Variants in COL22A1 observed in about 807,000 individuals in gnomAD.
COL22A1 encodes collagen type XXII alpha 1 chain, also known as collagen alpha-1(XXII) chain.
A neutral mutation model predicts 248.9 loss-of-function variants in COL22A1; 221 were observed. The observed-to-expected ratio is 0.89, with a 90% confidence interval of 0.80 to 0.99. The LOEUF (loss-of-function observed/expected upper bound fraction) is 0.99. COL22A1 is among the 50% of genes least tolerant of loss of function. The pLI, the probability that COL22A1 is intolerant of heterozygous loss-of-function variation, is 0.00. For synonymous variants in COL22A1, 891 were observed against 793.4 expected (o/e 1.12, Z -2.07); for missense variants, 2,240 against 2,179.0 (o/e 1.03, Z -0.56).
At chr8:138,661,017 CGCACAT>C (rs1823890024) in intron 43 of COL22A1, among the ~76,000 whole-genome samples, 1 of 111,856 alleles carries the variant, frequency 8.9e-6, no homozygotes, top group South Asian at 3.3e-4. Context: ...GACACACACA[CGCACAT>C]ACACACACAT....
intron 16 of COL22A1, among the ~76,000 whole-genome samples, chr8:138,764,612 T>A (rs1000543019): frequency 6.6e-6 from 1 of 152,258 alleles, no homozygotes; most frequent in Non-Finnish European, 1.5e-5. Context: ...GAAATTATTT[T>A]AAAATTCCAG....
chr8:138,751,508 G>T lies in COL22A1; in HGVS notation c.2035C>A (p.Pro679Thr). 6.2e-7 allele frequency: 1 copy of T among 1,610,866 alleles called. No homozygotes were observed. The highest frequency in any genetic ancestry group is 1.1e-5 in the South Asian group (1 of 90,764). The change falls in exon 22 of 65, where the codon CCA (proline) becomes ACA (threonine). Residue 679 changes from proline to threonine, a missense_variant. Coordinates refer to ENST00000303045, the MANE Select transcript of COL22A1 (RefSeq NM_152888.3). ...CCATCCCTGCCTTCTGGGCCTATTG[G>T]ACCCTTTAGGAGGGAGAAAAAGGAA... ...GAPGPPGARG[P>T]IGPEGRDGPP...
At chr8:138,705,674 A>C (rs1246749516) in intron 30 of COL22A1, among the ~76,000 whole-genome samples, 1 of 152,344 alleles carries the variant, frequency 6.6e-6, no homozygotes, top group African/African-American at 2.4e-5. Context: ...CCACTGCAAA[A>C]ACATGCCAAA....
intron 16 of COL22A1, among the ~76,000 whole-genome samples, chr8:138,766,958 G>A (rs78896699): frequency 0.058 from 8,790 of 152,306 alleles, 388 homozygotes; most frequent in Non-Finnish European, 0.084. Context: ...GGCTCCTGCA[G>A]ACTGAGAGTG....
At chr8:138,748,479 C>A (rs949908496) in intron 22 of COL22A1, among the ~76,000 whole-genome samples, 2 of 152,202 alleles carry the variant, frequency 1.3e-5, no homozygotes, top group African/African-American at 4.8e-5. Flanking sequence ...GCCGCACGTG[C>A]GAATCCCTGA....
chr8:138,600,550 C>T (rs1046000133), intron 60 of COL22A1, among the ~76,000 whole-genome samples: 2 of 152,092 alleles, frequency 1.3e-5, no homozygotes, highest in African/African-American at 4.8e-5. Context: ...GCACAGACTC[C>T]CTCTGAAAAG....
intron 23 of COL22A1, 103 bp from the exon 24 acceptor site, chr8:138,725,543 G>T: frequency 2.2e-6 from 2 of 891,762 alleles, no homozygotes; most frequent in Non-Finnish European, 3.4e-6. Context: ...AGGAGGATGA[G>T]GTGGGATTTT....
At chr8:138,660,772 G>A (rs1166181794) in intron 43 of COL22A1, among the ~76,000 whole-genome samples, 1 of 141,668 alleles carries the variant, frequency 7.1e-6, no homozygotes, top group Non-Finnish European at 1.5e-5. Flanking sequence ...ACATGTGCAT[G>A]CACGCATGCA....
chr8:138,620,571 T>A (rs10105805), intron 52 of COL22A1: 1 of 152,036 alleles, frequency 6.6e-6, no homozygotes, highest in East Asian at 1.9e-4. Flanking sequence ...GTCTTTGTGA[T>A]AGAGGGTGTA....
chr8:138,626,149 T>A, intron 51 of COL22A1, 41 bp downstream of exon 51: 1 of 1,485,474 alleles, frequency 6.7e-7, no homozygotes, highest in Non-Finnish European at 9.2e-7. Flanking sequence ...AAAGAGAAAC[T>A]AGTTTGTTTT....
At chr8:138,794,237 A>G (rs935756168) in intron 12 of COL22A1, among the ~76,000 whole-genome samples, 8 of 152,110 alleles carry the variant, frequency 5.3e-5, no homozygotes, top group Non-Finnish European at 1.2e-4. Context: ...AAATACAAAA[A>G]TTAGCTGAGC....
chr8:138,643,647 T>TAGATAGACAGACAGAC (rs568597361), intron 47 of COL22A1, among the ~76,000 whole-genome samples: 53 of 26,622 alleles, frequency 2.0e-3, no homozygotes, highest in African/African-American at 2.9e-3. Flanking sequence ...GATAGATAGA[T>TAGATAGACAGACAGAC]AGACAGATAG....
chr8:138,721,938 G>C, intron 26 of COL22A1, 98 bp downstream of exon 26: 1 of 940,622 alleles, frequency 1.1e-6, no homozygotes. Context: ...CGAAGACCCA[G>C]GCAATTGACT....
chr8:138,792,369 G>T (rs574287903), intron 12 of COL22A1, among the ~76,000 whole-genome samples: 3 of 152,204 alleles, frequency 2.0e-5, no homozygotes, highest in African/African-American at 7.2e-5. Flanking sequence ...ATAGCCTCCC[G>T]GCTCTGAGAC....
chr8:138,841,941 A>C (rs1244903608), intron 4 of COL22A1, among the ~76,000 whole-genome samples: 1 of 152,194 alleles, frequency 6.6e-6, no homozygotes, highest in Non-Finnish European at 1.5e-5. Flanking sequence ...AAAGAGAGTA[A>C]CTTTTGATGG....
At chr8:138,756,587 A>G (rs1053637213) in intron 18 of COL22A1, among the ~76,000 whole-genome samples, 1 of 152,214 alleles carries the variant, frequency 6.6e-6, no homozygotes, top group African/African-American at 2.4e-5. Flanking sequence ...CCTTTTACCT[A>G]GAGCTTAGCT....
At chr8:138,862,463 G>A (rs1043720770) in intron 3 of COL22A1, among the ~76,000 whole-genome samples, 1 of 152,056 alleles carries the variant, frequency 6.6e-6, no homozygotes, top group Non-Finnish European at 1.5e-5. Context: ...TCCTCCACCC[G>A]GAGTGCCCTT....
At chr8:138,594,254 C>T in intron 62 of COL22A1, 55 bp from the exon 63 acceptor site, 1 of 1,480,290 alleles carries the variant, frequency 6.8e-7, no homozygotes, top group Non-Finnish European at 9.1e-7. Context: ...GGACATAGGA[C>T]AGGATGGCTA....
chr8:138,593,207 G>C (rs1314941119), intron 63 of COL22A1, among the ~76,000 whole-genome samples: 1 of 152,022 alleles, frequency 6.6e-6, no homozygotes. Context: ...TCACACACCA[G>C]GGCCTGTCGG....
Sources: gnomAD v4.1 joint callset for allele counts (sites outside exome capture counted in the v4.1 genomes callset) on GRCh38, gnomAD v4.1.1 for gene constraint, MANE v1.5 for transcripts, NCBI Gene and HGNC (gene_info 2026-07-23, HGNC 2026-07-21) for gene names.